TMEM178B: variants seen among roughly 807,000 people sequenced by gnomAD.
The protein encoded by TMEM178B is transmembrane protein 178B.
A neutral mutation model predicts 31.0 loss-of-function variants in TMEM178B; 5 were observed. The observed-to-expected ratio is 0.16, with a 90% CI of 0.08 to 0.34. TMEM178B has a LOEUF of 0.34. Ranked by LOEUF, TMEM178B falls within the 10% of genes least tolerant of loss-of-function variation. The pLI, the probability that TMEM178B is intolerant of heterozygous loss-of-function variation, is 1.00. For synonymous variants in TMEM178B, 164 were observed against 164.0 expected (o/e 1.00, Z 0.00); for missense variants, 275 against 400.3 (o/e 0.69, Z 2.67).
intron 1 of TMEM178B, among the ~76,000 whole-genome samples, chr7:141,153,281 C>T (rs1025885640): frequency 3.3e-5 from 5 of 152,126 alleles, no homozygotes; most frequent in Non-Finnish European, 7.4e-5. Flanking sequence ...CATTTTCCAA[C>T]GTTGAAGATT....
chr7:141,498,128 G>A, the TMEM178B span, among the ~76,000 whole-genome samples: 80 of 152,258 alleles, frequency 5.3e-4, 1 homozygote, highest in East Asian at 0.015. Flanking sequence ...AGAGTCAGAT[G>A]GAAGAGACAA....
chr7:141,112,463 A>G (rs1394098917), intron 1 of TMEM178B, among the ~76,000 whole-genome samples: 2 of 152,174 alleles, frequency 1.3e-5, no homozygotes, highest in East Asian at 3.9e-4. Flanking sequence ...TAGGTGGCTC[A>G]GGTTGGTCTC....
chr7:141,486,998 T>G, the TMEM178B span, among the ~76,000 whole-genome samples: 1 of 152,074 alleles, frequency 6.6e-6, no homozygotes, highest in African/African-American at 2.4e-5. Flanking sequence ...GGGACACAGA[T>G]GCTGTGGTCC....
intron 1 of TMEM178B, among the ~76,000 whole-genome samples, chr7:141,113,827 T>C (rs147786025): frequency 5.2e-4 from 79 of 152,310 alleles, no homozygotes; most frequent in African/African-American, 1.9e-3. Flanking sequence ...TTGGTTACCA[T>C]TGAATGGGCA....
Position 141,476,424 on chromosome 7 carries a change from A to T in TMEM178B, c.*5638A>T, listed in dbSNP as rs1802365581. On this transcript the variant is annotated 3_prime_UTR_variant, in exon 4 of 4. Transcript: ENST00000565468. ...ACCAGTTAACTGTTAACCAAGGCAC[A>T]TGGTCAATGCCTTAGTATTTTTTTT... 6.6e-6 allele frequency: 1 copy of T among 152,088 alleles called. No homozygotes were observed. The allele number at this position is 152,088 out of a possible 1,614,324, so 9.4% of individuals were successfully genotyped here. A position where few individuals can be genotyped will look rare whatever the true frequency, so the allele number is the denominator to read the frequency against.
At chr7:141,091,260 T>A (rs1377279661) in intron 1 of TMEM178B, among the ~76,000 whole-genome samples, 2 of 151,998 alleles carry the variant, frequency 1.3e-5, no homozygotes, top group African/African-American at 4.8e-5. Context: ...GGCTTTAATT[T>A]AAAAAAAATT....
chr7:141,416,493 C>A (rs1205482716), intron 2 of TMEM178B: 2 of 152,414 alleles, frequency 1.3e-5, no homozygotes, highest in Non-Finnish European at 2.9e-5. Flanking sequence ...GCAGAACAGG[C>A]TGGCTATCAA....
At chr7:141,459,015 GGTTTGTTTGTTT>G (rs201056025) in intron 3 of TMEM178B, among the ~76,000 whole-genome samples, 18 of 152,048 alleles carry the variant, frequency 1.2e-4, no homozygotes, top group African/African-American at 3.1e-4. Context: ...ATGTTTTTTT[GGTTTGTTTGTTT>G]GTTTGTTTGT....
intron 2 of TMEM178B, among the ~76,000 whole-genome samples, chr7:141,424,907 G>A (rs1197219049): frequency 1.3e-5 from 2 of 152,162 alleles, no homozygotes; most frequent in East Asian, 3.8e-4. Context: ...GTTCCCTTCT[G>A]GGGTTTGAAG....
chr7:141,437,294 G>A lies in TMEM178B; in HGVS notation c.497-314G>A, dbSNP rs184535670. Among the ~76,000 whole-genome samples the A allele has an allele frequency of 1.2e-3, 184 of 152,332 alleles. 1 individual carries two copies. Among genetic ancestry groups the A allele is most frequent in the African/African-American group, 4.3e-3 (177 of 41,576 alleles). On this transcript the variant is annotated intron_variant, in intron 2 of 3. Transcript: ENST00000565468. ...ATAAAGATAGTACCTGTCTCAGAAGGTTGAGATAGATATATAGCTAGGCAG... is the reference window on the plus strand; with the variant it reads ...ATAAAGATAGTACCTGTCTCAGAAGATTGAGATAGATATATAGCTAGGCAG...
rs548345538 is a variant in TMEM178B, at chr7:141,475,890, G to A, written c.*5104G>A. ...AAGCTACACTTGTGTAACAGTTACT[G>A]TAAATTTCACTACAGCTCTGCACTG... On this transcript the variant is annotated 3_prime_UTR_variant, in exon 4 of 4. Coordinates refer to ENST00000565468, the MANE Select transcript of TMEM178B (RefSeq NM_001195278.2). The A allele has an allele frequency of 3.3e-5, 5 of 152,030 alleles. No homozygotes were observed. Among genetic ancestry groups the A allele is most frequent in the Admixed American group, 6.5e-5 (1 of 15,270 alleles). 9.4% of individuals were successfully genotyped at this position (152,030 alleles called of 1,614,324 possible). A position where few individuals can be genotyped will look rare whatever the true frequency, so the allele number is the denominator to read the frequency against.
intron 2 of TMEM178B, chr7:141,431,132 G>A (rs1181736): frequency 0.23 from 34,531 of 150,684 alleles, 4,303 homozygotes; most frequent in African/African-American, 0.32. Flanking sequence ...AATTACCATC[G>A]CAACAAGGTC....
chr7:141,241,171 C>T (rs1449715923), intron 2 of TMEM178B, among the ~76,000 whole-genome samples: 2 of 151,802 alleles, frequency 1.3e-5, no homozygotes, highest in Non-Finnish European at 2.9e-5. Context: ...TAGCCCCCTC[C>T]CATCCTCCCC....
intron 2 of TMEM178B, among the ~76,000 whole-genome samples, chr7:141,232,958 C>T (rs1372390850): frequency 3.3e-5 from 5 of 152,202 alleles, no homozygotes; most frequent in Non-Finnish European, 4.4e-5. Flanking sequence ...GAGCTGCCCT[C>T]CCTAAAAGCC....
chr7:141,490,586 AG>A, the TMEM178B span, among the ~76,000 whole-genome samples: 8 of 152,322 alleles, frequency 5.3e-5, no homozygotes, highest in African/African-American at 1.2e-4. Flanking sequence ...CTGTTGTTTA[AG>A]CCAACTGCTT....
intron 1 of TMEM178B, among the ~76,000 whole-genome samples, chr7:141,128,796 C>T (rs1795548333): frequency 6.6e-6 from 1 of 151,980 alleles, no homozygotes; most frequent in African/African-American, 2.4e-5. Context: ...GAGTAGAAGC[C>T]AGGCCACATT....
intron 2 of TMEM178B, among the ~76,000 whole-genome samples, chr7:141,306,577 G>A (rs1798819320): frequency 6.6e-6 from 1 of 150,948 alleles, no homozygotes; most frequent in Non-Finnish European, 1.5e-5. Context: ...GTAGGAAGAG[G>A]TTAGAGGCAA....
chr7:141,480,753 A>G (rs1249197216), downstream of TMEM178B, among the ~76,000 whole-genome samples: 1 of 152,244 alleles, frequency 6.6e-6, no homozygotes, highest in Non-Finnish European at 1.5e-5. Flanking sequence ...GTTCCCAGTG[A>G]AGAGAGAAAT....
intron 2 of TMEM178B, among the ~76,000 whole-genome samples, chr7:141,263,930 G>A (rs1798055181): frequency 6.6e-6 from 1 of 152,214 alleles, no homozygotes; most frequent in Non-Finnish European, 1.5e-5. Context: ...AATTAGCCAA[G>A]GGAAATGGCA....
Sources: gnomAD v4.1 joint callset for allele counts (sites outside exome capture counted in the v4.1 genomes callset) on GRCh38, gnomAD v4.1.1 for gene constraint, MANE v1.5 for transcripts, NCBI Gene and HGNC (gene_info 2026-07-23, HGNC 2026-07-21) for gene names.